The following UTP6 variants were observed in gnomAD, a reference collection of about 807,000 sequenced individuals.
The protein encoded by UTP6 is U3 small nucleolar RNA-associated protein 6 homolog.
UTP6 carries 60 observed loss-of-function variants against 96.5 expected under a neutral mutation model. That is an observed-to-expected ratio of 0.62 (90% CI 0.51 to 0.77). UTP6 has a LOEUF of 0.77. UTP6 is among the 30% of genes least tolerant of loss of function. The pLI, the probability that UTP6 is intolerant of heterozygous loss-of-function variation, is 0.00. For synonymous variants in UTP6, 215 were observed against 240.1 expected, an observed-to-expected ratio of 0.90 and a Z score of 0.96; for missense variants, 637 against 706.5, an observed-to-expected ratio of 0.90 and a Z score of 1.12.
intron 8 of UTP6, chr17:31,886,441 A>C (rs530412921): frequency 6.3e-6 from 1 of 157,996 alleles, no homozygotes; most frequent in Admixed American, 6.3e-5. Flanking sequence ...AGGCAGGCGG[A>C]TCACTTGAGA....
chr17:31,866,007 C>A (rs543998196), intron 17 of UTP6, among the ~76,000 whole-genome samples: 76 of 152,226 alleles, frequency 5.0e-4, no homozygotes, highest in Non-Finnish European at 9.0e-4. Flanking sequence ...AACTTTACAA[C>A]CAAAAACTGC....
At position 31,884,425 on chromosome 17, in the gene UTP6, C is replaced by T; in HGVS notation, c.784G>A (p.Asp262Asn). 1 of 1,606,948 alleles carries T rather than the reference C, an allele frequency of 6.2e-7. No homozygotes were observed. The highest frequency in any genetic ancestry group is 2.2e-5 in the East Asian group (1 of 44,670). The change falls in exon 10 of 19, where the codon GAC becomes AAC. Residue 262 changes from aspartate to asparagine, a missense_variant and splice_region_variant. Transcript: ENST00000261708. ...AKDLQKEIYD[D>N]LQALHTDDPL... is the part of the protein sequence containing the mutation. ...CACCTTTCTACTAACTTTACTTACTCATCATAAATCTCTTTTTGTAGATCT... is the reference window on the plus strand; with the variant it reads ...CACCTTTCTACTAACTTTACTTACTTATCATAAATCTCTTTTTGTAGATCT...
At position 31,873,370 on chromosome 17, in the gene UTP6, G is replaced by GT; in HGVS notation, c.1496+7dup. 1 of 1,613,852 alleles carries GT rather than the reference G, an allele frequency of 6.2e-7. No homozygotes were observed. Among genetic ancestry groups the GT allele is most frequent in the Non-Finnish European group, 8.5e-7 (1 of 1,179,754 alleles). On this transcript the variant is annotated splice_region_variant and intron_variant, in intron 16 of 18. Coordinates refer to ENST00000261708, the MANE Select transcript of UTP6 (RefSeq NM_018428.3). ...GGACTAGTAACAACTATGAACGTCT[G>GT]TGAGTACCTTTTAAACACAGCTCTG... is the stretch of plus-strand genomic sequence containing the variant.
intron 2 of UTP6, among the ~76,000 whole-genome samples, chr17:31,898,390 G>A (rs1369067899): frequency 1.3e-5 from 2 of 152,066 alleles, no homozygotes; most frequent in Admixed American, 1.3e-4. Flanking sequence ...GCCTGGCGTG[G>A]TTGTGGGCAC....
At chr17:31,873,539 C>T (rs377587264) in intron 15 of UTP6, 52 bp from the exon 16 acceptor site, 12 of 1,607,044 alleles carry the variant, frequency 7.5e-6, no homozygotes, top group South Asian at 3.3e-5. Context: ...CTTATAGATA[C>T]CAAAACAGAT....
Position 31,873,233 on chromosome 17 carries a change from A to T in UTP6, c.1496+145T>A, listed in dbSNP as rs976453424. 4.3e-6 allele frequency: 3 copies of T among 703,686 alleles called. No individual in the cohort carries two copies. In the African/African-American group the frequency reaches 5.5e-5, roughly 13 times the overall value. 43.6% of individuals were successfully genotyped at this position (703,686 alleles called of 1,614,324 possible). A position where few individuals can be genotyped will look rare whatever the true frequency, so the allele number is the denominator to read the frequency against. ...TGTGCCACTGCACTCCAGCCTGGGC[A>T]ACAGAGCAAGACTCCATCTTAAAAA... On this transcript the variant is annotated intron_variant, in intron 16 of 18. Coordinates refer to ENST00000261708, the MANE Select transcript of UTP6 (RefSeq NM_018428.3).
At chr17:31,898,829 C>T (rs1465452818) in intron 2 of UTP6, among the ~76,000 whole-genome samples, 1 of 152,090 alleles carries the variant, frequency 6.6e-6, no homozygotes. Context: ...TTGCTTGAGG[C>T]CAGGAGTTCG....
chr17:31,887,173 C>T lies in UTP6; in HGVS notation c.621+63G>A, dbSNP rs1051387919. 1.5e-4 allele frequency: 219 copies of T among 1,416,392 alleles called. 1 individual carries two copies. The highest frequency in any genetic ancestry group is 1.0e-4 in the Non-Finnish European group (104 of 1,008,372). The allele number at this position is 1,416,392 out of a possible 1,614,324, so 87.7% of individuals were successfully genotyped here. A position where few individuals can be genotyped will look rare whatever the true frequency, so the allele number is the denominator to read the frequency against. On this transcript the variant is annotated intron_variant, in intron 8 of 18. Coordinates refer to ENST00000261708, the MANE Select transcript of UTP6 (RefSeq NM_018428.3). ...TATATTCCAAATATTTTCTCTTACT[C>T]CTAAGCAGGCTCAAAATGTTATACA...
At chr17:31,892,034 A>G in intron 6 of UTP6, 2 of 524,150 alleles carry the variant, frequency 3.8e-6, no homozygotes, top group South Asian at 4.9e-5. Flanking sequence ...AAAAAAAAAG[A>G]AATACAGTCC....
intron 8 of UTP6, 141 bp downstream of exon 8, chr17:31,887,095 C>A (rs1463240361): frequency 1.5e-6 from 1 of 663,922 alleles, no homozygotes; most frequent in African/African-American, 1.8e-5. Flanking sequence ...TGCACTCCAG[C>A]CTGTGTGACA....
chr17:31,865,434 G>A lies in UTP6; in HGVS notation c.1568C>T (p.Ser523Phe). The A allele has an allele frequency of 6.2e-7, 1 of 1,613,752 alleles. No individual in the cohort carries two copies. The highest frequency in any genetic ancestry group is 8.5e-7 in the Non-Finnish European group (1 of 1,179,864). ...KMIQFEKEQE[S>F]CNMANIREYY... ...TTCTCTTATGTTCGCCATATTGCAG[G>A]ATTCCTGACAAAGATAGACAATCTT... Residue 523 changes from serine to phenylalanine, a missense_variant, in exon 18 of 19, where the codon TCC (serine) becomes TTC (phenylalanine). By Grantham distance (155) the Ser-to-Phe change is radical. Transcript: ENST00000261708.
rs369166579 is a variant in UTP6, at chr17:31,863,308, A to G, written c.*51T>C. The G allele has an allele frequency of 1.3e-6, 2 of 1,596,716 alleles. No homozygotes were observed. The highest frequency in any genetic ancestry group is 2.2e-5 in the East Asian group (1 of 44,692). On this transcript the variant is annotated 3_prime_UTR_variant, in exon 19 of 19. Transcript: ENST00000261708. The stretch of plus-strand genomic sequence containing the variant: ...AGATGGACTCAATACAAATTTGCCC[A>G]CGGGGCTTGCTTGCAATACTATTTC...
At chr17:31,865,868 C>G (rs1176371538) in intron 17 of UTP6, among the ~76,000 whole-genome samples, 1 of 152,110 alleles carries the variant, frequency 6.6e-6, no homozygotes, top group African/African-American at 2.4e-5. Flanking sequence ...TGACCTTCAG[C>G]AAGTTTTTGA....
intron 11 of UTP6, 123 bp downstream of exon 11, chr17:31,880,450 T>G (rs1598105455): frequency 9.5e-7 from 1 of 1,056,910 alleles, no homozygotes; most frequent in Non-Finnish European, 1.4e-6. Flanking sequence ...AAGGCCAGGC[T>G]CATCGTAAAC....
intron 7 of UTP6, among the ~76,000 whole-genome samples, chr17:31,889,034 T>C (rs1911310058): frequency 6.7e-6 from 1 of 149,866 alleles, no homozygotes; most frequent in African/African-American, 2.5e-5. Context: ...ACCGTGCCAC[T>C]GCACTCCAGC....
chr17:31,899,785 A>AG, intron 1 of UTP6, 55 bp from the exon 2 acceptor site: 1 of 1,259,906 alleles, frequency 7.9e-7, no homozygotes, highest in East Asian at 2.5e-5. Flanking sequence ...TAAACGTTTA[A>AG]GTTTATTTTG....
chr17:31,887,234 A>T lies in UTP6; in HGVS notation c.621+2T>A. ...GTGAGAATAAAATAATTAGAACCTTACCACATCCATACTGGCTTTTTCAAA... is the reference window on the plus strand; with the variant it reads ...GTGAGAATAAAATAATTAGAACCTTTCCACATCCATACTGGCTTTTTCAAA... On this transcript the variant is annotated splice_donor_variant, in intron 8 of 18. Coordinates refer to ENST00000261708, the MANE Select transcript of UTP6 (RefSeq NM_018428.3). LOFTEE classifies it high-confidence loss of function. 6.2e-7 allele frequency: 1 copy of T among 1,613,258 alleles called. No individual in the cohort carries two copies. Among genetic ancestry groups the T allele is most frequent in the Non-Finnish European group, 8.5e-7 (1 of 1,179,208 alleles).
intron 8 of UTP6, 21 bp from the exon 9 acceptor site, chr17:31,886,082 CG>C: frequency 6.2e-7 from 1 of 1,602,046 alleles, no homozygotes; most frequent in Non-Finnish European, 8.5e-7. Context: ...TTATATCAAA[CG>C]TAACTTAACA....
intron 1 of UTP6, among the ~76,000 whole-genome samples, chr17:31,901,021 C>T (rs1904951016): frequency 6.6e-6 from 1 of 152,104 alleles, no homozygotes; most frequent in Admixed American, 6.6e-5. Context: ...AATTTTAACA[C>T]GCTACTGAAT....
Sources: gnomAD v4.1 joint callset for allele counts (sites outside exome capture counted in the v4.1 genomes callset) on GRCh38, gnomAD v4.1.1 for gene constraint, MANE v1.5 for transcripts, NCBI Gene and HGNC (gene_info 2026-07-23, HGNC 2026-07-21) for gene names.